TSKS: variants seen among roughly 807,000 people sequenced by gnomAD.
TSKS encodes the protein testis specific serine kinase substrate.
TSKS carries 27 observed loss-of-function variants against 68.0 expected under a neutral mutation model. The observed-to-expected ratio is 0.40, with a 90% confidence interval of 0.29 to 0.55. The LOEUF (loss-of-function observed/expected upper bound fraction) is 0.55. Ranked by LOEUF, TSKS falls within the 20% of genes least tolerant of loss-of-function variation. The pLI is 0.53. For missense variants in TSKS, 806 were observed against 776.0 expected, an observed-to-expected ratio of 1.04 and a Z score of -0.46; for synonymous variants, 331 against 340.4, an observed-to-expected ratio of 0.97 and a Z score of 0.30.
Position 49,762,073 on chromosome 19 carries a change from T to A in TSKS, c.330A>T (p.Thr110=), listed in dbSNP as rs756062442. The A allele has an allele frequency of 1.2e-6, 2 of 1,614,022 alleles. No individual in the cohort carries two copies. Among genetic ancestry groups the A allele is most frequent in the South Asian group, 2.2e-5 (2 of 91,070 alleles). Residue 110 remains threonine (T), a synonymous_variant, in exon 2 of 11, where the codon ACA becomes ACT. Transcript: ENST00000246801. ...TAGGGGAGGCAGGGGGCCCAGCCAG[T>A]GTGAGTTGGCCGCTGAGGTCTTCCA... The part of the protein sequence containing the change: ...STVEDLSGQL[T]LAGPPASPTL...
At position 49,762,172 on chromosome 19, in the gene TSKS, C is replaced by T. The variant is rs200993912; in HGVS notation, c.231G>A (p.Ser77=). The T allele has an allele frequency of 1.2e-5, 20 of 1,614,034 alleles. No individual in the cohort carries two copies. Among genetic ancestry groups the T allele is most frequent in the Middle Eastern group, 1.7e-4 (1 of 6,052 alleles). Residue 77 remains serine, a synonymous_variant, in exon 2 of 11, where the codon TCG becomes TCA. Transcript: ENST00000246801. ...MHWCLNLKRS[S]ACTNVSLLNL... ...TGAGCAGTGACACGTTGGTGCAGGC[C>T]GAGGACCGTTTGAGGTTCAGGCACC...
chr19:49,740,464 T>G (rs2084243142), intron 9 of TSKS: 2 of 425,282 alleles, frequency 4.7e-6, no homozygotes, highest in Non-Finnish European at 8.5e-6. Context: ...GTCTGTCTCC[T>G]AAGCTCATGA....
At chr19:49,740,995 G>A (rs544168388) in intron 9 of TSKS, among the ~76,000 whole-genome samples, 1 of 152,038 alleles carries the variant, frequency 6.6e-6, no homozygotes, top group Non-Finnish European at 1.5e-5. Flanking sequence ...TGACTAACAC[G>A]GTGAAACCCT....
At position 49,763,129 on chromosome 19, in the gene TSKS, G is replaced by T. The variant is rs773071788; in HGVS notation, c.119C>A (p.Thr40Asn). The T allele has an allele frequency of 6.2e-7, 1 of 1,612,234 alleles. No homozygotes were observed. The highest frequency in any genetic ancestry group is 8.5e-7 in the Non-Finnish European group (1 of 1,179,120). ...CTTCGGGATCCCCTTGGCCCGGCTG[G>T]TCACCCTCCGGGGAGCCTCTGGGAC... ...QLVPEAPRRV[T>N]SRAKGIPKKK... Residue 40 changes from threonine (T) to asparagine (N), a missense_variant, in exon 1 of 11, where the codon ACC becomes AAC. Coordinates refer to ENST00000246801, the MANE Select transcript of TSKS (RefSeq NM_021733.2). The surrounding 1 kb of genome is among the most constrained non-coding windows in gnomAD (Gnocchi z 4.5).
chr19:49,762,298 C>T lies in TSKS; in HGVS notation c.171-66G>A, dbSNP rs3900784. The T allele has an allele frequency of 3.2e-6, 4 of 1,263,868 alleles. No individual in the cohort carries two copies. The African/African-American group carries it at 4.4e-5, about 14-fold the overall frequency. 78.3% of individuals were successfully genotyped at this position (1,263,868 alleles called of 1,614,324 possible). On this transcript the variant is annotated intron_variant, in intron 1 of 10. Transcript: ENST00000246801. ...CAGGGTGTCTGGGCCCTCCTGCCTT[C>T]CTTTCTCCATACCTCACCCCCTGTG...
intron 4 of TSKS, among the ~76,000 whole-genome samples, chr19:49,747,833 C>T (rs1394130261): frequency 1.3e-5 from 2 of 152,140 alleles, no homozygotes; most frequent in Non-Finnish European, 2.9e-5. Context: ...CTCAGCCTCC[C>T]AAGTAGCTGA....
Position 49,762,410 on chromosome 19 carries a change from CTTTTTTCTTTCTTTCT to C in TSKS, c.171-194_171-179del, listed in dbSNP as rs1293701361. ...CTTCCCTGTGCTGCCTACTTTCTTT[CTTTTTTCTTTCTTTCT>C]TTTTTTTTTTTTTTTGAGACAGAGT... On this transcript the variant is annotated intron_variant, in intron 1 of 10. Transcript: ENST00000246801. 5.4e-5 allele frequency among the ~76,000 whole-genome samples: 8 copies of C among 146,902 alleles called. No homozygotes were observed. The East Asian group carries it at 8.1e-4, about 15-fold the overall frequency.
At position 49,740,147 on chromosome 19, in the gene TSKS, C is replaced by T; in HGVS notation, c.1534G>A (p.Ala512Thr). 2 of 1,614,012 alleles carry T rather than the reference C, an allele frequency of 1.2e-6. No individual in the cohort carries two copies. The highest frequency in any genetic ancestry group is 4.5e-5 in the East Asian group (2 of 44,878). ...ERQALAKHVR[A>T]EALSSTLRLA... is the part of the protein sequence containing the mutation. ...CGAAGGGTGGAGCTCAGGGCCTCTG[C>T]CCTGACGTGTTTGGCTAAGGCCTGG... The change falls in exon 10 of 11, where the codon GCA (alanine) becomes ACA (threonine). Residue 512 changes from alanine (A) to threonine (T), a missense_variant. Ala to Thr is a moderately conservative substitution (Grantham distance 58). Transcript: ENST00000246801.
chr19:49,745,073 G>C (rs1272652419), intron 7 of TSKS, 129 bp downstream of exon 7: 2 of 893,424 alleles, frequency 2.2e-6, no homozygotes, highest in Non-Finnish European at 3.2e-6. Flanking sequence ...GGTGTTTCCC[G>C]ATGTCGGTAT....
chr19:49,741,805 T>C, intron 9 of TSKS, 80 bp downstream of exon 9: 2 of 1,594,112 alleles, frequency 1.3e-6, no homozygotes, highest in Non-Finnish European at 1.7e-6. Context: ...ACACCAGCAG[T>C]ACCCTTGAGT....
intron 2 of TSKS, among the ~76,000 whole-genome samples, chr19:49,753,561 C>T (rs1242628232): frequency 2.9e-5 from 4 of 136,186 alleles, no homozygotes; most frequent in African/African-American, 1.1e-4. Context: ...GACTCCATCT[C>T]AATAATAATA....
chr19:49,745,310 C>T lies in TSKS; in HGVS notation c.1079G>A (p.Gly360Asp). Residue 360 changes from glycine to aspartate, a missense_variant, in exon 7 of 11, where the codon GGC (glycine) becomes GAC (aspartate). Coordinates refer to ENST00000246801, the MANE Select transcript of TSKS (RefSeq NM_021733.2). ...EALRLLGGLGGRVDGFLGQWE... is the reference protein window; with the variant it reads ...EALRLLGGLGDRVDGFLGQWE... Reference sequence around the variant, plus strand: ...CTGGCCTAGGAAGCCGTCGACCCTGCCGCCCAGGCCCCCGAGCAGCCGCAG... The same window carrying T: ...CTGGCCTAGGAAGCCGTCGACCCTGTCGCCCAGGCCCCCGAGCAGCCGCAG... The T allele has an allele frequency of 6.2e-7, 1 of 1,604,166 alleles. No individual in the cohort carries two copies. Among genetic ancestry groups the T allele is most frequent in the Non-Finnish European group, 8.5e-7 (1 of 1,179,228 alleles).
At chr19:49,758,784 G>A (rs2084414774) in intron 2 of TSKS, among the ~76,000 whole-genome samples, 2 of 152,094 alleles carry the variant, frequency 1.3e-5, no homozygotes, top group Admixed American at 1.3e-4. Flanking sequence ...CAGCCTTCTT[G>A]TCTTGGTCCT....
chr19:49,762,040 G>C lies in TSKS; in HGVS notation c.363C>G (p.Pro121=). The change falls in exon 2 of 11, where the codon CCC becomes CCG. Residue 121 remains proline (P), a synonymous_variant. Transcript: ENST00000246801. ...LAGPPASPTL[P]WDPDDADITE... ...TGATGTCTGCGTCATCCGGATCCCAGGGTAGGGTAGGGGAGGCAGGGGGCC... is the reference window on the plus strand; with the variant it reads ...TGATGTCTGCGTCATCCGGATCCCACGGTAGGGTAGGGGAGGCAGGGGGCC... The C allele has an allele frequency of 3.1e-6, 5 of 1,614,112 alleles. No homozygotes were observed. Among genetic ancestry groups the C allele is most frequent in the Non-Finnish European group, 4.2e-6 (5 of 1,180,002 alleles).
intron 2 of TSKS, among the ~76,000 whole-genome samples, chr19:49,751,232 A>T (rs2084347120): frequency 7.3e-6 from 1 of 137,586 alleles, no homozygotes; most frequent in African/African-American, 2.7e-5. Flanking sequence ...TGAATCCAGG[A>T]GGCGGAGGTT....
At chr19:49,742,163 AG>A in intron 8 of TSKS, 143 bp from the exon 9 acceptor site, 1 of 879,476 alleles carries the variant, frequency 1.1e-6, no homozygotes, top group Non-Finnish European at 1.7e-6. Flanking sequence ...ACTGTGCACC[AG>A]CTGTCCCTTG....
At position 49,746,472 on chromosome 19, in the gene TSKS, C is replaced by G; in HGVS notation, c.990G>C (p.Leu330=). ...CTCCGCCCCTAGGTCCCGCCCACCT[C>G]AGCTCTTCGATGCCGGTGAACAGCT... ...LQKLFTGIEE[L]RREVSSLTAR... Residue 330 remains leucine, a splice_region_variant and synonymous_variant, in exon 6 of 11, where the codon CTG becomes CTC. Transcript: ENST00000246801. 1 of 1,613,936 alleles carries G rather than the reference C, an allele frequency of 6.2e-7. No homozygotes were observed. The highest frequency in any genetic ancestry group is 8.5e-7 in the Non-Finnish European group (1 of 1,179,924).
chr19:49,750,552 C>T (rs980437761), intron 2 of TSKS, among the ~76,000 whole-genome samples: 3 of 152,112 alleles, frequency 2.0e-5, no homozygotes, highest in Admixed American at 6.6e-5. Context: ...CCACCGTGCC[C>T]GGCCTATCAT....
chr19:49,745,401 A>T lies in TSKS; in HGVS notation c.993-5T>A. ...GTCAGTGAGGACACCTCTCTCCTGG[A>T]GGGGCAGAGGAGGGGAATGGGTAGG... On this transcript the variant is annotated splice_region_variant and splice_polypyrimidine_tract_variant and intron_variant, in intron 6 of 10. Coordinates refer to ENST00000246801, the MANE Select transcript of TSKS (RefSeq NM_021733.2). 6.5e-7 allele frequency: 1 copy of T among 1,537,144 alleles called. No homozygotes were observed.
Sources: allele counts gnomAD v4.1 joint callset (sites outside exome capture counted in the v4.1 genomes callset), GRCh38; gene constraint gnomAD v4.1.1; non-coding constraint Gnocchi (gnomAD v3.1); transcripts MANE v1.5; gene names NCBI Gene and HGNC (gene_info 2026-07-23, HGNC 2026-07-21).